PRELID2: variants seen among roughly 807,000 people sequenced by gnomAD.
PRELID2 encodes PRELI domain-containing protein 2.
PRELID2 carries 25 observed loss-of-function variants against 28.4 expected under a neutral mutation model. The observed-to-expected ratio is 0.88, with a 90% CI of 0.64 to 1.23. The LOEUF (loss-of-function observed/expected upper bound fraction) is 1.23. PRELID2 is among the 50% of genes most tolerant of loss of function. The pLI is 0.00. For synonymous variants in PRELID2, 76 were observed against 71.6 expected, an observed-to-expected ratio of 1.06 and a Z score of -0.31; for missense variants, 201 against 214.4, an observed-to-expected ratio of 0.94 and a Z score of 0.39.
chr5:145,309,298 A>C, the PRELID2 span, among the ~76,000 whole-genome samples: 1 of 152,178 alleles, frequency 6.6e-6, no homozygotes, highest in South Asian at 2.1e-4. Context: ...GAGAATTGTT[A>C]AGACGAGATC....
chr5:145,439,008 A>G, the PRELID2 span, among the ~76,000 whole-genome samples: 2 of 152,104 alleles, frequency 1.3e-5, no homozygotes, highest in Non-Finnish European at 2.9e-5. Flanking sequence ...GCCATAGCTT[A>G]TATCTCCCAC....
the PRELID2 span, among the ~76,000 whole-genome samples, chr5:145,379,437 G>A: frequency 6.6e-6 from 1 of 152,188 alleles, no homozygotes; most frequent in African/African-American, 2.4e-5. Flanking sequence ...GGTTGTACTG[G>A]AGGTGGTGTT....
chr5:145,613,991 T>C (rs900941100), intron 1 of PRELID2, among the ~76,000 whole-genome samples: 1 of 152,260 alleles, frequency 6.6e-6, no homozygotes, highest in African/African-American at 2.4e-5. Flanking sequence ...GAGTTGATTT[T>C]TGTGTAAGGT....
At chr5:145,608,040 G>GTT (rs112958431) in intron 1 of PRELID2, among the ~76,000 whole-genome samples, 5,728 of 136,862 alleles carry the variant, frequency 0.042, 244 homozygotes, top group African/African-American at 0.1. Context: ...TTTAAAGCCC[G>GTT]TTTTTTTTTT....
At chr5:145,496,871 G>GT (rs911525045) in intron 1 of PRELID2, among the ~76,000 whole-genome samples, 8 of 151,668 alleles carry the variant, frequency 5.3e-5, no homozygotes, top group East Asian at 1.9e-4. Context: ...GGTTTTGTTC[G>GT]TTTTTTTTAG....
intron 1 of PRELID2, among the ~76,000 whole-genome samples, chr5:145,565,739 A>T (rs1752960145): frequency 1.3e-5 from 2 of 152,068 alleles, no homozygotes. Flanking sequence ...GTCATTCTCA[A>T]CTCTGCTCAT....
intron 1 of PRELID2, among the ~76,000 whole-genome samples, chr5:145,526,112 G>C (rs890972524): frequency 6.6e-6 from 1 of 152,204 alleles, no homozygotes; most frequent in Non-Finnish European, 1.5e-5. Flanking sequence ...CATTAACTGA[G>C]CTCTGCTCTG....
At chr5:145,623,412 C>A (rs1467899080) in intron 1 of PRELID2, among the ~76,000 whole-genome samples, 4 of 151,348 alleles carry the variant, frequency 2.6e-5, no homozygotes, top group African/African-American at 9.7e-5. Flanking sequence ...CATGCCACTG[C>A]ACTCCAGCCT....
chr5:145,558,933 C>T (rs1752902911), intron 1 of PRELID2, among the ~76,000 whole-genome samples: 1 of 152,134 alleles, frequency 6.6e-6, no homozygotes, highest in Non-Finnish European at 1.5e-5. Context: ...AAAATGTTTG[C>T]ACAACCATGA....
the PRELID2 span, among the ~76,000 whole-genome samples, chr5:145,291,555 T>C: frequency 6.6e-6 from 1 of 152,020 alleles, no homozygotes; most frequent in Non-Finnish European, 1.5e-5. Context: ...TATGAGATAA[T>C]AGATTGCTGT....
chr5:145,383,516 C>G, the PRELID2 span, among the ~76,000 whole-genome samples: 1 of 149,696 alleles, frequency 6.7e-6, no homozygotes, highest in Non-Finnish European at 1.5e-5. Flanking sequence ...AGAAATAAAC[C>G]CATATAAAAA....
intron 1 of PRELID2, among the ~76,000 whole-genome samples, chr5:145,670,788 A>C (rs915629924): frequency 1.4e-4 from 21 of 152,180 alleles, no homozygotes; most frequent in African/African-American, 5.1e-4. Context: ...TAACTGATGC[A>C]TGGTGTAGCC....
the PRELID2 span, among the ~76,000 whole-genome samples, chr5:145,248,207 T>C: frequency 5.9e-5 from 9 of 152,040 alleles, no homozygotes; most frequent in African/African-American, 9.7e-5. Context: ...CATTCCTTCG[T>C]TCCCCCCCCT....
the PRELID2 span, among the ~76,000 whole-genome samples, chr5:145,315,271 T>C: frequency 3.4e-4 from 52 of 152,058 alleles, no homozygotes; most frequent in East Asian, 9.5e-3. Context: ...GGTTTCACCA[T>C]TTTGGCCAGG....
intron 1 of PRELID2, among the ~76,000 whole-genome samples, chr5:145,601,697 G>C (rs1208805285): frequency 6.6e-6 from 1 of 152,174 alleles, no homozygotes; most frequent in Non-Finnish European, 1.5e-5. Flanking sequence ...CACTGAGAGA[G>C]TTTGCTGATC....
the PRELID2 span, among the ~76,000 whole-genome samples, chr5:145,433,553 C>A: frequency 6.6e-6 from 1 of 152,124 alleles, no homozygotes; most frequent in Non-Finnish European, 1.5e-5. Context: ...AACAACTGGT[C>A]CTTTATCAGC....
chr5:145,403,273 C>G, the PRELID2 span, among the ~76,000 whole-genome samples: 1 of 152,148 alleles, frequency 6.6e-6, no homozygotes, highest in Admixed American at 6.5e-5. Flanking sequence ...TGTGATGGCT[C>G]ATGTCTGTAA....
intron 6 of PRELID2, among the ~76,000 whole-genome samples, chr5:145,763,435 T>C (rs921687628): frequency 6.6e-6 from 1 of 152,232 alleles, no homozygotes; most frequent in Non-Finnish European, 1.5e-5. Context: ...GCTTTTCCAG[T>C]AATAAAGGAG....
chr5:145,432,908 T>C, the PRELID2 span, among the ~76,000 whole-genome samples: 3 of 152,162 alleles, frequency 2.0e-5, no homozygotes, highest in Non-Finnish European at 4.4e-5. Flanking sequence ...GTAGGGGATT[T>C]ATAATCCCCA....
Sources: allele counts gnomAD v4.1 joint callset (sites outside exome capture counted in the v4.1 genomes callset), GRCh38; gene constraint gnomAD v4.1.1; transcripts MANE v1.5; gene names NCBI Gene and HGNC (gene_info 2026-07-23, HGNC 2026-07-21).